SLC25A14: variants seen among roughly 807,000 people sequenced by gnomAD.
SLC25A14 encodes brain mitochondrial carrier protein 1.
SLC25A14 carries 8 observed loss-of-function variants against 28.1 expected under a neutral mutation model. That is an observed-to-expected ratio of 0.28 (90% CI 0.17 to 0.51). The LOEUF (loss-of-function observed/expected upper bound fraction) is 0.51, where lower values mean the gene tolerates loss of function less well. Among genes scored for constraint, SLC25A14 ranks in the 20% least tolerant of loss-of-function variants. The pLI, the probability that SLC25A14 is intolerant of heterozygous loss-of-function variation, is 0.97. For missense variants in SLC25A14, 135 were observed against 263.8 expected, an observed-to-expected ratio of 0.51 and a Z score of 3.38; for synonymous variants, 74 against 90.6, an observed-to-expected ratio of 0.82 and a Z score of 1.04.
rs773174614 is a variant in SLC25A14 at position 130,358,640 on chromosome X, A to G, written c.499A>G (p.Ile167Val). 1 of 1,187,277 alleles carries G rather than the reference A, an allele frequency of 8.4e-7. No homozygotes were observed. The highest frequency in any genetic ancestry group is 1.1e-6 in the Non-Finnish European group (1 of 876,902). The change falls in exon 7 of 11, where the codon ATT becomes GTT. Residue 167 changes from isoleucine to valine, a missense_variant and splice_region_variant. Ile to Val is a conservative substitution (Grantham distance 29). Transcript: ENST00000545805. Reference sequence around the variant, plus strand: ...AGATGTTCACCTCTTTTCATTTTAGATTCGAATGCAGGCTCAAGGAAGCTT... The same window carrying G: ...AGATGTTCACCTCTTTTCATTTTAGGTTCGAATGCAGGCTCAAGGAAGCTT... ...TIANPTDVLK[I>V]RMQAQGSLFQ...
intron 7 of SLC25A14, among the ~76,000 whole-genome samples, chrX:130,360,410 A>G (rs1050969203): frequency 1.8e-5 from 2 of 111,529 alleles, no homozygotes; most frequent in Non-Finnish European, 3.8e-5. Flanking sequence ...AGTTTGTCCC[A>G]TGATTAGTGG....
intron 4 of SLC25A14, 79 bp from the exon 5 acceptor site, chrX:130,349,168 ATGGG>A (rs1473160070): frequency 1.9e-6 from 1 of 520,350 alleles, no homozygotes; most frequent in Non-Finnish European, 3.1e-6. Flanking sequence ...GTAGAATGAG[ATGGG>A]TAGTCCAAAT....
intron 2 of SLC25A14, among the ~76,000 whole-genome samples, chrX:130,341,877 C>T (rs1438861532): frequency 8.9e-6 from 1 of 111,758 alleles, no homozygotes; most frequent in Non-Finnish European, 1.9e-5. Context: ...GAACAGGGTT[C>T]GCAGGCAGAG....
At chrX:130,344,254 C>T (rs2033354622) in intron 2 of SLC25A14, among the ~76,000 whole-genome samples, 1 of 111,348 alleles carries the variant, frequency 9.0e-6, no homozygotes, top group African/African-American at 3.3e-5. Context: ...GGGGAGAGGC[C>T]CAACAATCTA....
chrX:130,340,338 C>T lies in SLC25A14; in HGVS notation c.60C>T (p.Ala20=). The T allele has an allele frequency of 8.3e-7, 1 of 1,211,161 alleles. No individual in the cohort carries two copies. The highest frequency in any genetic ancestry group is 1.1e-6 in the Non-Finnish European group (1 of 895,051). ...IFLRVKFATA[A]VIVSGHQKST... is the part of the protein sequence containing the mutation. ...TAAGGGTGAAGTTTGCAACGGCGGC[C>T]GTGATTGTAAGCGGAGTAAGCAAAC... The change falls in exon 2 of 11, where the codon GCC becomes GCT. Residue 20 remains alanine (A), a synonymous_variant. Transcript: ENST00000545805.
At chrX:130,365,304 T>C (rs895777719) in intron 8 of SLC25A14, 14 of 954,643 alleles carry the variant, frequency 1.5e-5, no homozygotes, top group Admixed American at 1.0e-4. Context: ...TCTTGTTAGG[T>C]TTAGAAACTC....
intron 10 of SLC25A14, among the ~76,000 whole-genome samples, chrX:130,372,564 G>A (rs1462767912): frequency 1.8e-5 from 2 of 108,589 alleles, no homozygotes; most frequent in African/African-American, 6.7e-5. Flanking sequence ...CTGAGTTCAC[G>A]CCATTCTCCT....
At chrX:130,343,255 AAG>A (rs1187727500) in intron 2 of SLC25A14, among the ~76,000 whole-genome samples, 1 of 112,093 alleles carries the variant, frequency 8.9e-6, no homozygotes, top group Non-Finnish European at 1.9e-5. Flanking sequence ...CACAAACTCA[AAG>A]AGGGGATATG....
intron 2 of SLC25A14, among the ~76,000 whole-genome samples, chrX:130,341,228 C>G (rs758334661): frequency 2.7e-5 from 3 of 112,344 alleles, no homozygotes; most frequent in Non-Finnish European, 5.6e-5. Context: ...AAAGTTTGTA[C>G]TACACAGTTT....
At position 130,365,553 on chromosome X, in the gene SLC25A14, A is replaced by T; in HGVS notation, c.732A>T (p.Thr244=). 1 of 1,211,328 alleles carries T rather than the reference A, an allele frequency of 8.3e-7. No homozygotes were observed. Among genetic ancestry groups the T allele is most frequent in the East Asian group, 3.0e-5 (1 of 33,814 alleles). Residue 244 remains threonine, a synonymous_variant, in exon 9 of 11, where the codon ACA becomes ACT. Transcript: ENST00000545805. ...TILTHFVSSF[T]CGLAGALASN... is the part of the protein sequence containing the mutation. The stretch of plus-strand genomic sequence containing the variant: ...CTTTTCCTCTTAGTTCCAGCTTTAC[A>T]TGTGGTTTGGCTGGGGCTCTGGCCT...
intron 2 of SLC25A14, among the ~76,000 whole-genome samples, chrX:130,343,124 A>G (rs1286918506): frequency 8.9e-6 from 1 of 112,077 alleles, no homozygotes; most frequent in Non-Finnish European, 1.9e-5. Flanking sequence ...CAAAGAGTTG[A>G]AAAAAGTTGT....
intron 7 of SLC25A14, among the ~76,000 whole-genome samples, chrX:130,361,673 A>T (rs2033969305): frequency 8.9e-6 from 1 of 111,767 alleles, no homozygotes; most frequent in African/African-American, 3.3e-5. Flanking sequence ...TTGGAGAGAG[A>T]GTAGCATGGT....
intron 9 of SLC25A14, among the ~76,000 whole-genome samples, chrX:130,369,103 G>A (rs12014015): frequency 0.054 from 6,060 of 111,509 alleles, 430 homozygotes; most frequent in African/African-American, 0.18. Flanking sequence ...CAGTTCTCAC[G>A]TTGTGAAGAA....
chrX:130,349,935 A>G (rs1430517739), intron 5 of SLC25A14: 1 of 111,090 alleles, frequency 9.0e-6, no homozygotes, highest in African/African-American at 3.3e-5. Flanking sequence ...TTTTTTGGGG[A>G]TTGTGAAGGG....
chrX:130,360,605 C>T (rs1170806234), intron 7 of SLC25A14, among the ~76,000 whole-genome samples: 1 of 111,716 alleles, frequency 9.0e-6, no homozygotes, highest in Admixed American at 9.5e-5. Flanking sequence ...CATTAATGGT[C>T]CTTGAGGTTT....
chrX:130,341,121 G>A (rs1002681609), intron 2 of SLC25A14, among the ~76,000 whole-genome samples: 4 of 111,578 alleles, frequency 3.6e-5, no homozygotes, highest in African/African-American at 1.3e-4. Context: ...TGTACCTACC[G>A]TCTCTCAAGG....
chrX:130,348,042 C>A (rs2033497110), intron 4 of SLC25A14, among the ~76,000 whole-genome samples: 1 of 111,543 alleles, frequency 9.0e-6, no homozygotes, highest in African/African-American at 3.3e-5. Context: ...GGTGCTATAA[C>A]AAAATACCAT....
chrX:130,345,135 A>G (rs1412133723), intron 2 of SLC25A14, 47 bp from the exon 3 acceptor site: 1 of 868,513 alleles, frequency 1.2e-6, no homozygotes, highest in Admixed American at 2.3e-5. Context: ...GATGCTAACA[A>G]ATGCTCCTCA....
intron 5 of SLC25A14, 107 bp downstream of exon 5, chrX:130,349,452 G>A: frequency 4.5e-6 from 2 of 439,863 alleles, no homozygotes; most frequent in Non-Finnish European, 7.9e-6. Flanking sequence ...GAGAGTCACT[G>A]CAAAGACAAA....
Sources: gnomAD v4.1 joint callset for allele counts (sites outside exome capture counted in the v4.1 genomes callset) on GRCh38, gnomAD v4.1.1 for gene constraint, MANE v1.5 for transcripts, NCBI Gene and HGNC (gene_info 2026-07-23, HGNC 2026-07-21) for gene names.